Variants in LPCAT1 observed in about 807,000 individuals in gnomAD.
LPCAT1 encodes the protein 1-acylglycerol-3-phosphate O-acyltransferase.
LPCAT1 carries 23 observed loss-of-function variants against 60.9 expected under a neutral mutation model. The observed-to-expected ratio is 0.38, with a 90% CI of 0.27 to 0.53. LPCAT1 has a LOEUF of 0.53. Ranked by LOEUF, LPCAT1 falls within the 20% of genes least tolerant of loss-of-function variation. The pLI, the probability that LPCAT1 is intolerant of heterozygous loss-of-function variation, is 0.82. For synonymous variants in LPCAT1, 340 were observed against 301.1 expected, an observed-to-expected ratio of 1.13 and a Z score of -1.34; for missense variants, 622 against 723.6, an observed-to-expected ratio of 0.86 and a Z score of 1.61.
At chr5:1,468,380 G>A (rs551567009) in intron 12 of LPCAT1, among the ~76,000 whole-genome samples, 12 of 152,252 alleles carry the variant, frequency 7.9e-5, no homozygotes, top group Non-Finnish European at 1.8e-4. Context: ...CAAAGCTTCA[G>A]GGCCACGGCC....
chr5:1,482,676 GGGTGGGGC>G, intron 6 of LPCAT1, among the ~76,000 whole-genome samples: 1 of 113,708 alleles, frequency 8.8e-6, no homozygotes, highest in South Asian at 3.3e-4. Context: ...GGGGGGAGTA[GGGTGGGGC>G]AGGGGGGTGG....
intron 13 of LPCAT1, among the ~76,000 whole-genome samples, chr5:1,464,168 G>C (rs936537176): frequency 6.6e-6 from 1 of 152,226 alleles, no homozygotes; most frequent in Non-Finnish European, 1.5e-5. Context: ...AGAGAAGCTG[G>C]CTCAGGGACA....
chr5:1,472,112 C>G (rs1400728352), intron 11 of LPCAT1, among the ~76,000 whole-genome samples: 1 of 77,808 alleles, frequency 1.3e-5, no homozygotes, highest in Non-Finnish European at 2.6e-5. Context: ...TAATGAGCAC[C>G]CAGGATGGGG....
In LPCAT1 at chr5:1,508,005, G is replaced by A. The variant is rs10078552; in HGVS notation, c.136-6402C>T. On this transcript the variant is annotated intron_variant, in intron 1 of 13. Transcript: ENST00000283415. ...ACGCACCAGAGGCCCGAGGGAGCTC[G>A]TTCACCCCTCCACCTTGCGAGGACA... Among the ~76,000 whole-genome samples the A allele has an allele frequency of 2.4e-3, 361 of 152,328 alleles. 4 individuals carry two copies. The highest frequency in any genetic ancestry group is 8.1e-3 in the African/African-American group (338 of 41,572).
intron 1 of LPCAT1, among the ~76,000 whole-genome samples, chr5:1,505,852 G>GCA (rs1245366928): frequency 6.6e-6 from 1 of 152,208 alleles, no homozygotes; most frequent in Non-Finnish European, 1.5e-5. Flanking sequence ...GCGACCCTCT[G>GCA]CACCAGCTCC....
rs1316164035 is a variant in LPCAT1, at chr5:1,522,763, G to A, written c.135+947C>T. 6.6e-6 allele frequency among the ~76,000 whole-genome samples: 1 copy of A among 152,176 alleles called. No homozygotes were observed. Among genetic ancestry groups the A allele is most frequent in the African/African-American group, 2.4e-5 (1 of 41,442 alleles). ...CAAACCGGACAGCCCCATAGGCCCC[G>A]AAACAGTGCTTGCTTCTAGGAATTA... On this transcript the variant is annotated intron_variant, in intron 1 of 13. Transcript: ENST00000283415. The surrounding 1 kb of genome is among the most constrained non-coding windows in gnomAD (Gnocchi z 6.8).
At position 1,481,019 on chromosome 5, in the gene LPCAT1, C is replaced by CCGGGGCCTG; in HGVS notation, c.727-44_727-43insCAGGCCCCG. On this transcript the variant is annotated intron_variant, in intron 6 of 13. Coordinates refer to ENST00000283415, the MANE Select transcript of LPCAT1 (RefSeq NM_024830.5). This position sits in a 1 kb window ranked among gnomAD's most constrained non-coding sequence, Gnocchi z 7.8. ...GGGTCAGTCAGCATGGGGCCTGCACCCAGGGCCTGCACCAAGCACCTGCGT... is the reference window on the plus strand; with the variant it reads ...GGGTCAGTCAGCATGGGGCCTGCACCCGGGGCCTGCAGGGCCTGCACCAAGCACCTGCGT... 1.3e-6 allele frequency: 2 copies of CCGGGGCCTG among 1,563,080 alleles called. No homozygotes were observed. Among genetic ancestry groups the CCGGGGCCTG allele is most frequent in the Non-Finnish European group, 8.7e-7 (1 of 1,143,918 alleles).
intron 1 of LPCAT1, among the ~76,000 whole-genome samples, chr5:1,512,371 C>A (rs964972680): frequency 2.6e-5 from 4 of 152,182 alleles, no homozygotes; most frequent in African/African-American, 9.7e-5. Context: ...AAGGCCCCGG[C>A]CCAAGAGCAG....
At position 1,477,117 on chromosome 5, in the gene LPCAT1, T is replaced by C. The variant is rs1026796576; in HGVS notation, c.899+287A>G. On this transcript the variant is annotated intron_variant, in intron 9 of 13. Coordinates refer to ENST00000283415, the MANE Select transcript of LPCAT1 (RefSeq NM_024830.5). The surrounding 1 kb of genome is among the most constrained non-coding windows in gnomAD (Gnocchi z 6.0). Reference sequence around the variant, plus strand: ...CCCAGGCCAGCGCCCCGCTGGCTCATTTAGGGCACAGGAAACATAGGACCT... The same window carrying C: ...CCCAGGCCAGCGCCCCGCTGGCTCACTTAGGGCACAGGAAACATAGGACCT... Among the ~76,000 whole-genome samples the C allele has an allele frequency of 2.6e-5, 4 of 152,164 alleles. No homozygotes were observed. The highest frequency in any genetic ancestry group is 9.7e-5 in the African/African-American group (4 of 41,442).
At chr5:1,517,718 A>C (rs1339706599) in intron 1 of LPCAT1, among the ~76,000 whole-genome samples, 1 of 152,280 alleles carries the variant, frequency 6.6e-6, no homozygotes, top group Non-Finnish European at 1.5e-5. Flanking sequence ...TTTAAATAAA[A>C]TGGAAGCAAG....
rs1736748472 is a variant in LPCAT1 at position 1,523,762 on chromosome 5, C to T, written c.83G>A (p.Gly28Glu). The T allele has an allele frequency of 4.3e-6, 5 of 1,158,684 alleles. No individual in the cohort carries two copies. The highest frequency in any genetic ancestry group is 5.3e-6 in the Non-Finnish European group (5 of 936,340). 71.8% of individuals were successfully genotyped at this position (1,158,684 alleles called of 1,614,324 possible). A position where few individuals can be genotyped will look rare whatever the true frequency, so the allele number is the denominator to read the frequency against. ...CAGCTCGTGCACGAAGGGGTTCCGC[C>T]CCGGGGGCGCCAGCAGCCGAGCGTC... Reference protein sequence around the residue: ...ASDARLLAPPGRNPFVHELRL... With the variant: ...ASDARLLAPPERNPFVHELRL... The change falls in exon 1 of 14, where the codon GGG (glycine) becomes GAG (glutamate). Residue 28 changes from glycine to glutamate, a missense_variant. Gly to Glu is a moderately conservative substitution (Grantham distance 98). Around this residue, in one of 3 missense-constraint regions of LPCAT1, gnomAD observed 125 missense variants for 114.5 expected, o/e 1.09. Transcript: ENST00000283415. This position sits in a 1 kb window ranked among gnomAD's most constrained non-coding sequence, Gnocchi z 7.1.
chr5:1,467,538 C>A (rs369100830), intron 12 of LPCAT1, among the ~76,000 whole-genome samples: 34 of 152,260 alleles, frequency 2.2e-4, no homozygotes, highest in African/African-American at 7.7e-4. Flanking sequence ...AGTGCCGAGG[C>A]GCCTGCCGCC....
Position 1,489,873 on chromosome 5 carries a change from G to A in LPCAT1, c.494-15C>T. The A allele has an allele frequency of 6.4e-7, 1 of 1,569,668 alleles. No homozygotes were observed. Among genetic ancestry groups the A allele is most frequent in the Non-Finnish European group, 8.8e-7 (1 of 1,139,594 alleles). The stretch of plus-strand genomic sequence containing the variant: ...CTGGATCAGAGCTGGAAGAGAGGAG[G>A]GGAGACGGATCACGTGGAATGCACG... On this transcript the variant is annotated splice_polypyrimidine_tract_variant and intron_variant, in intron 3 of 13. Coordinates refer to ENST00000283415, the MANE Select transcript of LPCAT1 (RefSeq NM_024830.5).
At chr5:1,490,883 A>C (rs1294700516) in intron 3 of LPCAT1, among the ~76,000 whole-genome samples, 2 of 152,052 alleles carry the variant, frequency 1.3e-5, no homozygotes, top group Non-Finnish European at 2.9e-5. Flanking sequence ...GGCGCCCCCC[A>C]GGCCAACTGA....
At chr5:1,517,313 G>T (rs542207966) in intron 1 of LPCAT1, among the ~76,000 whole-genome samples, 15 of 152,248 alleles carry the variant, frequency 9.9e-5, no homozygotes, top group Non-Finnish European at 1.8e-4. Context: ...GGTCAGGAGG[G>T]CTCCTCCTGC....
At chr5:1,503,258 T>C (rs1409360065) in intron 1 of LPCAT1, among the ~76,000 whole-genome samples, 1 of 152,194 alleles carries the variant, frequency 6.6e-6, no homozygotes, top group Non-Finnish European at 1.5e-5. Flanking sequence ...ACCACAAATC[T>C]GTTATCCCGC....
At chr5:1,465,514 C>T (rs934768141) in intron 13 of LPCAT1, among the ~76,000 whole-genome samples, 4 of 119,212 alleles carry the variant, frequency 3.4e-5, no homozygotes, top group African/African-American at 1.1e-4. Flanking sequence ...AACACGTGTG[C>T]ACACACACAA....
At chr5:1,464,593 ATG>A (rs1734249641) in intron 13 of LPCAT1, among the ~76,000 whole-genome samples, 1 of 151,942 alleles carries the variant, frequency 6.6e-6, no homozygotes. Flanking sequence ...CCAAACACAC[ATG>A]TGCGCACACA....
In LPCAT1 at chr5:1,483,430, G is replaced by C. The variant is rs1215084181; in HGVS notation, c.724C>G (p.Leu242Val). The C allele has an allele frequency of 1.9e-6, 3 of 1,613,760 alleles. No individual in the cohort carries two copies. Among genetic ancestry groups the C allele is most frequent in the Non-Finnish European group, 2.5e-6 (3 of 1,180,016 alleles). Residue 242 changes from leucine to valine, a missense_variant and splice_region_variant, in exon 6 of 14, where the codon CTG becomes GTG. Physicochemically the swap from Leu to Val is conservative, Grantham distance 32. Transcript: ENST00000283415. The surrounding 1 kb of genome is among the most constrained non-coding windows in gnomAD (Gnocchi z 9.2). ...GACCCCAAAAAAACACAACTCACCAGTTTATTTGGATATCGTAAAACCACA... is the reference window on the plus strand; with the variant it reads ...GACCCCAAAAAAACACAACTCACCACTTTATTTGGATATCGTAAAACCACA... ...QPVVLRYPNK[L>V]DTITWTWQGP...
Sources: gnomAD v4.1 joint callset for allele counts (sites outside exome capture counted in the v4.1 genomes callset) on GRCh38, gnomAD v4.1.1 for gene constraint, gnomAD v4.1.1 regional missense constraint, Gnocchi (gnomAD v3.1) non-coding constraint, MANE v1.5 for transcripts, NCBI Gene and HGNC (gene_info 2026-07-23, HGNC 2026-07-21) for gene names.